The following SLC36A2 variants were observed in gnomAD, a reference collection of about 807,000 sequenced individuals.
SLC36A2 encodes the protein solute carrier family 36 member 2, also known as proton-coupled amino acid transporter 2.
In SLC36A2, 39 loss-of-function variants were observed where a neutral mutation model predicts 42.7. The observed-to-expected ratio is 0.91, with a 90% CI of 0.71 to 1.19. The LOEUF (loss-of-function observed/expected upper bound fraction) is 1.19, where lower values mean the gene tolerates loss of function less well. Ranked by LOEUF, SLC36A2 falls within the 50% of genes most tolerant of loss-of-function variation. The probability of loss-of-function intolerance (pLI) is 0.00; values close to 1 mark genes in which losing one functional copy is unlikely to be tolerated. For synonymous variants in SLC36A2, 237 were observed against 240.8 expected, an observed-to-expected ratio of 0.98 and a Z score of 0.15; for missense variants, 590 against 613.7, an observed-to-expected ratio of 0.96 and a Z score of 0.41.
At chr5:151,328,327 A>C (rs570648172) in intron 7 of SLC36A2, among the ~76,000 whole-genome samples, 1 of 152,368 alleles carries the variant, frequency 6.6e-6, no homozygotes, top group South Asian at 2.1e-4. Flanking sequence ...GAAGGAAATC[A>C]AAAAGAAAAA....
chr5:151,316,762 A>AAG lies in SLC36A2; in HGVS notation c.*53_*54dup, dbSNP rs1554096926. 5,007 of 1,535,514 alleles carry AAG rather than the reference A, an allele frequency of 3.3e-3. 307 individuals are homozygous for AAG. In the African/African-American group the frequency reaches 0.071, roughly 22 times the overall value. ...TCTCAAAAAAAAAAAAAAAAAAAAA[A>AAG]AGAGATCCATATAATTAAAAGTCGG... On this transcript the variant is annotated 3_prime_UTR_variant, in exon 10 of 10. Transcript: ENST00000335244.
chr5:151,331,211 A>G (rs980723022), intron 7 of SLC36A2, among the ~76,000 whole-genome samples: 8 of 152,240 alleles, frequency 5.3e-5, no homozygotes, highest in Admixed American at 2.0e-4. Flanking sequence ...AAAGACCTAC[A>G]TGTAAGAGCT....
At chr5:151,337,609 A>G (rs1756197095) in intron 5 of SLC36A2, among the ~76,000 whole-genome samples, 1 of 152,194 alleles carries the variant, frequency 6.6e-6, no homozygotes, top group South Asian at 2.1e-4. Context: ...CAATCTGGCA[A>G]TGTTTTAAGA....
At chr5:151,336,526 T>TATACGCTTACTGATTCCTAATTGACAC (rs1215240487) in intron 5 of SLC36A2, among the ~76,000 whole-genome samples, 78 of 147,368 alleles carry the variant, frequency 5.3e-4, no homozygotes, top group African/African-American at 1.8e-3. Context: ...CTAATTAACA[T>TATACGCTTACTGATTCCTAATTGACAC]ATACGCTTAC....
At position 151,335,268 on chromosome 5, in the gene SLC36A2, G is replaced by A. The variant is rs1756118473; in HGVS notation, c.744+61C>T. ...GTTGGCTCCAGGTATCTAAAGCTCA[G>A]TCTATCCTTGATAAAAAAACCCTGC... On this transcript the variant is annotated intron_variant, in intron 6 of 9. Transcript: ENST00000335244. 8 of 1,343,434 alleles carry A rather than the reference G, an allele frequency of 6.0e-6. No individual in the cohort carries two copies. In the East Asian group the frequency reaches 2.0e-4, roughly 33 times the overall value. 83.2% of individuals were successfully genotyped at this position (1,343,434 alleles called of 1,614,324 possible). A position where few individuals can be genotyped will look rare whatever the true frequency, so the allele number is the denominator to read the frequency against.
intron 7 of SLC36A2, among the ~76,000 whole-genome samples, chr5:151,332,110 G>A (rs577659799): frequency 6.6e-6 from 1 of 152,112 alleles, no homozygotes; most frequent in East Asian, 1.9e-4. Flanking sequence ...CAAGTGATCT[G>A]CCTGCCTCGG....
rs754017339 is a variant in SLC36A2, at chr5:151,338,640, C to T, written c.525+420G>A. ...GCAGTGAGCTGTGATCTCACCACTG[C>T]GCTCCAGCCTGGGTGACAGAGCAAT... On this transcript the variant is annotated intron_variant, in intron 5 of 9. Coordinates refer to ENST00000335244, the MANE Select transcript of SLC36A2 (RefSeq NM_181776.3). 3.5e-4 allele frequency: 67 copies of T among 189,332 alleles called. 1 individual carries two copies. Among genetic ancestry groups the T allele is most frequent in the Middle Eastern group, 5.1e-3 (2 of 396 alleles). 11.7% of individuals were successfully genotyped at this position (189,332 alleles called of 1,614,324 possible).
chr5:151,318,683 C>A (rs1455652704), intron 9 of SLC36A2, among the ~76,000 whole-genome samples: 1 of 149,120 alleles, frequency 6.7e-6, no homozygotes, highest in Admixed American at 6.7e-5. Flanking sequence ...GTATAAGAAC[C>A]TTTTACTTGC....
chr5:151,335,338 G>C lies in SLC36A2; in HGVS notation c.735C>G (p.Tyr245Ter), dbSNP rs1288614747. The change falls in exon 6 of 10, where the codon TAC (tyrosine) becomes TAG (stop). Residue 245 changes from tyrosine (Y) to a stop codon, truncating the protein, a stop_gained. Coordinates refer to ENST00000335244, the MANE Select transcript of SLC36A2 (RefSeq NM_181776.3). LOFTEE classifies it high-confidence loss of function. ...CATGGTGTGCACTCACCTGGGTAATGTACTGTATGATGATGACCAAGCTGA... is the reference window on the plus strand; with the variant it reads ...CATGGTGTGCACTCACCTGGGTAATCTACTGTATGATGATGACCAAGCTGA... Reference protein sequence around the residue: ...MLVSLVIIIQYITQEIPDPSR... With the variant: ...MLVSLVIIIQ The C allele has an allele frequency of 1.2e-5, 20 of 1,612,162 alleles. No individual in the cohort carries two copies. Among genetic ancestry groups the C allele is most frequent in the Non-Finnish European group, 1.5e-5 (18 of 1,179,158 alleles).
intron 7 of SLC36A2, chr5:151,332,432 A>G (rs1213965004): frequency 4.4e-6 from 2 of 455,948 alleles, no homozygotes; most frequent in South Asian, 3.1e-5. Flanking sequence ...TGCTTACGGC[A>G]GTATCATTCA....
At chr5:151,318,586 A>G (rs796795631) in intron 9 of SLC36A2, among the ~76,000 whole-genome samples, 1 of 123,650 alleles carries the variant, frequency 8.1e-6, no homozygotes, top group African/African-American at 3.6e-5. Context: ...AATATTTTAT[A>G]TATATAAAAA....
At chr5:151,344,152 C>G in intron 2 of SLC36A2, 25 bp downstream of exon 2, 1 of 1,605,606 alleles carries the variant, frequency 6.2e-7, no homozygotes, top group Non-Finnish European at 8.5e-7. Flanking sequence ...GACCATAAAG[C>G]CCCCACATGT....
At position 151,340,622 on chromosome 5, in the gene SLC36A2, ATAG is replaced by A. The variant is rs1756317161; in HGVS notation, c.441-1481_441-1479del. ...GGGAAACTAGGGGGAAAGAGGTTTA[ATAG>A]TAGCCAAGTGAGGAGAGAATGTTGA... is the stretch of plus-strand genomic sequence containing the variant. On this transcript the variant is annotated intron_variant, in intron 4 of 9. Coordinates refer to ENST00000335244, the MANE Select transcript of SLC36A2 (RefSeq NM_181776.3). 2.0e-5 allele frequency among the ~76,000 whole-genome samples: 3 copies of A among 152,342 alleles called. 1 individual carries two copies. In the South Asian group the frequency reaches 6.2e-4, roughly 32 times the overall value.
intron 4 of SLC36A2, among the ~76,000 whole-genome samples, chr5:151,340,222 GAGGAGGAAGGGGA>G (rs1561661012): frequency 2.7e-5 from 4 of 148,822 alleles, no homozygotes; most frequent in African/African-American, 9.9e-5. Flanking sequence ...GGAGGGAGAG[GAGGAGGAAGGGGA>G]GGAGGAGGAG....
chr5:151,339,181 A>G, intron 4 of SLC36A2, 37 bp from the exon 5 acceptor site: 1 of 1,509,270 alleles, frequency 6.6e-7, no homozygotes, highest in East Asian at 2.3e-5. Context: ...AAAACTTGTT[A>G]TAAAATAAGT....
intron 9 of SLC36A2, among the ~76,000 whole-genome samples, chr5:151,320,557 C>G (rs1755656881): frequency 6.6e-6 from 1 of 152,178 alleles, no homozygotes. Context: ...CTACTCTACA[C>G]AGGAATCTCT....
intron 7 of SLC36A2, among the ~76,000 whole-genome samples, chr5:151,328,327 A>G (rs570648172): frequency 1.3e-5 from 2 of 152,250 alleles, no homozygotes; most frequent in Admixed American, 6.5e-5. Context: ...GAAGGAAATC[A>G]AAAAGAAAAA....
At chr5:151,336,944 A>G (rs887093703) in intron 5 of SLC36A2, among the ~76,000 whole-genome samples, 13 of 152,166 alleles carry the variant, frequency 8.5e-5, no homozygotes, top group African/African-American at 3.1e-4. Context: ...CAAATTACAT[A>G]TATTATACAC....
chr5:151,333,249 A>C lies in SLC36A2; in HGVS notation c.818T>G (p.Ile273Ser), dbSNP rs759189877. Reference sequence around the variant, plus strand: ...CACACCAATGCTTTCAAAAGAAAAAATGGCTGTTCCGAAGAAGAGAGGGTA... The same window carrying C: ...CACACCAATGCTTTCAAAAGAAAAACTGGCTGTTCCGAAGAAGAGAGGGTA... Reference protein sequence around the residue: ...KTYPLFFGTAIFSFESIGVVL... With the variant: ...KTYPLFFGTASFSFESIGVVL... The change falls in exon 7 of 10, where the codon ATT becomes AGT. Residue 273 changes from isoleucine (I) to serine (S), a missense_variant. Ile to Ser is a moderately radical substitution (Grantham distance 142). Transcript: ENST00000335244. 14 of 1,614,036 alleles carry C rather than the reference A, an allele frequency of 8.7e-6. No individual in the cohort carries two copies. In the South Asian group the frequency reaches 9.9e-5, roughly 11 times the overall value.
Sources: allele counts gnomAD v4.1 joint callset (sites outside exome capture counted in the v4.1 genomes callset), GRCh38; gene constraint gnomAD v4.1.1; transcripts MANE v1.5; gene names NCBI Gene and HGNC (gene_info 2026-07-23, HGNC 2026-07-21).